Variants in CDH2 observed in about 807,000 individuals in gnomAD.
The protein encoded by CDH2 is cadherin 2.
A neutral mutation model predicts 92.0 loss-of-function variants in CDH2; 17 were observed. That is an observed-to-expected ratio of 0.18 (90% CI 0.13 to 0.28). CDH2 has a LOEUF of 0.28. Among genes scored for constraint, CDH2 ranks in the 10% least tolerant of loss-of-function variants. The pLI is 1.00. For missense variants in CDH2, 862 were observed against 1,133.1 expected (o/e 0.76, Z 3.44); for synonymous variants, 419 against 415.9 (o/e 1.01, Z -0.09).
intron 1 of CDH2, among the ~76,000 whole-genome samples, chr18:28,167,362 G>T (rs1183968033): frequency 6.6e-6 from 1 of 152,020 alleles, no homozygotes; most frequent in African/African-American, 2.4e-5. Context: ...TGTGCGAGTG[G>T]CCTTTAGCTG....
chr18:28,157,713 A>G (rs2016242169), intron 1 of CDH2, among the ~76,000 whole-genome samples: 1 of 152,182 alleles, frequency 6.6e-6, no homozygotes. Context: ...TTCTCCTAAA[A>G]TATGATTCTC....
chr18:27,940,681 C>T (rs1909114373), intron 6 of CDH2, among the ~76,000 whole-genome samples: 2 of 152,124 alleles, frequency 1.3e-5, no homozygotes, highest in South Asian at 4.1e-4. Flanking sequence ...TTGCATCTTT[C>T]CTAGAGGACT....
intron 7 of CDH2, among the ~76,000 whole-genome samples, chr18:27,997,210 G>C (rs958420261): frequency 6.6e-6 from 1 of 152,128 alleles, no homozygotes; most frequent in Non-Finnish European, 1.5e-5. Context: ...TCTTATGCAC[G>C]TGCAGCACAA....
chr18:28,070,801 T>C (rs1361761140), intron 2 of CDH2, among the ~76,000 whole-genome samples: 1 of 152,164 alleles, frequency 6.6e-6, no homozygotes, highest in African/African-American at 2.4e-5. Flanking sequence ...TGTCAGGAAA[T>C]GGTAAACAAC....
At position 28,144,710 on chromosome 18, in the gene CDH2, G is replaced by C. The variant is rs544678905; in HGVS notation, c.172+2963C>G. On this transcript the variant is annotated intron_variant, in intron 2 of 15. Coordinates refer to ENST00000269141, the MANE Select transcript of CDH2 (RefSeq NM_001792.5). ...GTTTTGCTAACAAAATGGGACAAAG[G>C]CCTATATAGCCATTTTTTAAAATAC... 8.5e-5 allele frequency among the ~76,000 whole-genome samples: 13 copies of C among 152,084 alleles called. 1 individual carries two copies. The highest frequency in any genetic ancestry group is 3.1e-4 in the African/African-American group (13 of 41,506).
In CDH2 at chr18:28,152,300, A is replaced by G. The variant is rs17495140; in HGVS notation, c.61-4516T>C. 4.2e-3 allele frequency among the ~76,000 whole-genome samples: 638 copies of G among 152,314 alleles called. 4 individuals are homozygous for G. Among genetic ancestry groups the G allele is most frequent in the African/African-American group, 0.015 (606 of 41,580 alleles). ...CTCTGTAGTCTTTCTAAGTACAACA[A>G]ATAATTACAATACAATCTTTCAAGA... On this transcript the variant is annotated intron_variant, in intron 1 of 15. Transcript: ENST00000269141.
At chr18:28,025,091 T>C (rs1167890297) in intron 2 of CDH2, among the ~76,000 whole-genome samples, 1 of 152,272 alleles carries the variant, frequency 6.6e-6, no homozygotes, top group South Asian at 2.1e-4. Flanking sequence ...TGAAGAATTT[T>C]GGTGGGAAAG....
intron 1 of CDH2, among the ~76,000 whole-genome samples, chr18:28,172,048 T>C (rs1003171501): frequency 6.6e-6 from 1 of 151,904 alleles, no homozygotes. Context: ...GACTCATATG[T>C]ATATAGCAGT....
chr18:28,018,290 G>T (rs774564577), intron 2 of CDH2, among the ~76,000 whole-genome samples: 1 of 151,818 alleles, frequency 6.6e-6, no homozygotes, highest in Non-Finnish European at 1.5e-5. Flanking sequence ...AATCGATATC[G>T]TGAAAATGAC....
At chr18:28,000,386 G>A (rs779018910) in intron 7 of CDH2, among the ~76,000 whole-genome samples, 2 of 152,198 alleles carry the variant, frequency 1.3e-5, no homozygotes, top group Non-Finnish European at 2.9e-5. Context: ...ACAGGTATGA[G>A]CCACCGTGCC....
intron 2 of CDH2, among the ~76,000 whole-genome samples, chr18:28,062,905 G>C (rs762791323): frequency 6.6e-6 from 1 of 152,068 alleles, no homozygotes; most frequent in Non-Finnish European, 1.5e-5. Context: ...CCTGGGAGGA[G>C]GAGGTTGCAG....
intron 14 of CDH2, among the ~76,000 whole-genome samples, chr18:27,981,639 A>C (rs2012060168): frequency 6.6e-6 from 1 of 152,170 alleles, no homozygotes; most frequent in South Asian, 2.1e-4. Context: ...GGCTGCCACA[A>C]AGTTTATACA....
At chr18:28,045,261 G>A in intron 2 of CDH2, 1 of 337,484 alleles carries the variant, frequency 3.0e-6, no homozygotes, top group Non-Finnish European at 5.8e-6. Context: ...GAGGCCTCTA[G>A]TAATAGCTTC....
At chr18:27,967,350 G>A (rs148305226) in intron 14 of CDH2, among the ~76,000 whole-genome samples, 1 of 152,180 alleles carries the variant, frequency 6.6e-6, no homozygotes, top group Non-Finnish European at 1.5e-5. Context: ...GATAAAAAAC[G>A]CTCCCTAATT....
At chr18:27,974,268 T>C (rs2011752325) in intron 14 of CDH2, among the ~76,000 whole-genome samples, 2 of 152,164 alleles carry the variant, frequency 1.3e-5, no homozygotes, top group Non-Finnish European at 2.9e-5. Flanking sequence ...GCTGATAACA[T>C]ATATCAAGAA....
chr18:28,082,314 G>C (rs1019506474), intron 2 of CDH2, among the ~76,000 whole-genome samples: 18 of 152,108 alleles, frequency 1.2e-4, no homozygotes, highest in African/African-American at 4.1e-4. Flanking sequence ...TGGAGGCTGA[G>C]GTGGGAGGAT....
At chr18:28,019,179 C>T (rs927519763) in intron 2 of CDH2, among the ~76,000 whole-genome samples, 2 of 151,870 alleles carry the variant, frequency 1.3e-5, no homozygotes, top group African/African-American at 4.8e-5. Flanking sequence ...AAAGACTACA[C>T]ACTGGGTACA....
rs1909421162 is a variant in CDH2 at position 27,951,135 on chromosome 18, G to T, written c.*1018C>A. 7.3e-6 allele frequency: 1 copy of T among 137,894 alleles called. No individual in the cohort carries two copies. Among genetic ancestry groups the T allele is most frequent in the African/African-American group, 2.7e-5 (1 of 37,162 alleles). 8.5% of individuals were successfully genotyped at this position (137,894 alleles called of 1,614,324 possible). A position where few individuals can be genotyped will look rare whatever the true frequency, so the allele number is the denominator to read the frequency against. ...ACACACACTTAGTAGTGCCACCAGTGTCAGGCCACCCCTTTCTTTCCTTTC... is the reference window on the plus strand; with the variant it reads ...ACACACACTTAGTAGTGCCACCAGTTTCAGGCCACCCCTTTCTTTCCTTTC... On this transcript the variant is annotated 3_prime_UTR_variant, in exon 16 of 16. Transcript: ENST00000269141.
chr18:27,952,413 A>G, intron 15 of CDH2, 54 bp from the exon 16 acceptor site: 1 of 1,408,926 alleles, frequency 7.1e-7, no homozygotes, highest in Non-Finnish European at 1.0e-6. Flanking sequence ...TACACTTTAC[A>G]AAACCACAAG....
Sources: allele counts gnomAD v4.1 joint callset (sites outside exome capture counted in the v4.1 genomes callset), GRCh38; gene constraint gnomAD v4.1.1; transcripts MANE v1.5; gene names NCBI Gene and HGNC (gene_info 2026-07-23, HGNC 2026-07-21).